SLC1A3: variants seen among roughly 807,000 people sequenced by gnomAD.
SLC1A3 encodes the protein excitatory amino acid transporter 1.
In SLC1A3, 21 loss-of-function variants were observed where a neutral mutation model predicts 48.1. The ratio of observed to expected loss-of-function variants is 0.44; its 90% CI spans 0.31 to 0.63. SLC1A3 has a LOEUF of 0.63. Ranked by LOEUF, SLC1A3 falls within the 20% of genes least tolerant of loss-of-function variation. SLC1A3 has a pLI of 0.08. For missense variants in SLC1A3, 546 were observed against 689.0 expected (o/e 0.79, Z 2.32); for synonymous variants, 239 against 251.4 (o/e 0.95, Z 0.47).
At chr5:36,637,113 T>A (rs1740423729) in intron 3 of SLC1A3, among the ~76,000 whole-genome samples, 1 of 152,182 alleles carries the variant, frequency 6.6e-6, no homozygotes, top group Admixed American at 6.5e-5. Context: ...ACTTCCACCA[T>A]CTTGATTGCC....
intron 9 of SLC1A3, among the ~76,000 whole-genome samples, chr5:36,685,607 C>T (rs551224829): frequency 7.2e-5 from 11 of 152,150 alleles, no homozygotes; most frequent in Non-Finnish European, 1.6e-4. Context: ...AAGAATGGTA[C>T]TATTTTATGT....
chr5:36,602,417 C>T (rs1191314763), upstream of SLC1A3, among the ~76,000 whole-genome samples: 1 of 152,110 alleles, frequency 6.6e-6, no homozygotes, highest in African/African-American at 2.4e-5. Flanking sequence ...AACTATAAAG[C>T]CCTGTAAACA....
chr5:36,626,326 G>C (rs987506861), intron 2 of SLC1A3, among the ~76,000 whole-genome samples: 2 of 152,136 alleles, frequency 1.3e-5, no homozygotes, highest in African/African-American at 4.8e-5. Context: ...TATATCATTA[G>C]CAGAACAGCT....
chr5:36,687,541 C>G lies in SLC1A3; in HGVS notation c.*1272C>G, dbSNP rs986100844. 4 of 152,028 alleles carry G rather than the reference C, an allele frequency of 2.6e-5. No individual in the cohort carries two copies. The highest frequency in any genetic ancestry group is 9.7e-5 in the African/African-American group (4 of 41,362). 9.4% of individuals were successfully genotyped at this position (152,028 alleles called of 1,614,324 possible). On this transcript the variant is annotated 3_prime_UTR_variant, in exon 10 of 10. Transcript: ENST00000265113. ...GAAAGAAGTCAAATGAATGAGCTCT[C>G]TAATAGAAGTCCATGAGTTGAGTGG... is the stretch of plus-strand genomic sequence containing the variant.
intron 3 of SLC1A3, chr5:36,670,094 T>G (rs1021536543): frequency 1.3e-5 from 2 of 152,118 alleles, no homozygotes; most frequent in African/African-American, 2.4e-5. Flanking sequence ...ATATAGATAA[T>G]TTAATCTTTT....
chr5:36,629,565 T>G lies in SLC1A3; in HGVS notation c.297T>G (p.Leu99=), dbSNP rs754571819. ...MRMLQMLVLP[L]IISSLVTGMA... ...TGTTACAGATGCTGGTCTTACCACTTATCATCTCCAGTCTTGTCACAGGTA... is the reference window on the plus strand; with the variant it reads ...TGTTACAGATGCTGGTCTTACCACTGATCATCTCCAGTCTTGTCACAGGTA... The change falls in exon 3 of 10, where the codon CTT becomes CTG. Residue 99 remains leucine, a synonymous_variant. Transcript: ENST00000265113. The G allele has an allele frequency of 1.2e-5, 19 of 1,613,388 alleles. No homozygotes were observed. The highest frequency in any genetic ancestry group is 1.6e-5 in the Non-Finnish European group (19 of 1,179,510).
At position 36,687,617 on chromosome 5, in the gene SLC1A3, G is replaced by A. The variant is rs1331994321; in HGVS notation, c.*1348G>A. 1 of 152,176 alleles carries A rather than the reference G, an allele frequency of 6.6e-6. No individual in the cohort carries two copies. Among genetic ancestry groups the A allele is most frequent in the Non-Finnish European group, 1.5e-5 (1 of 68,018 alleles). The allele number at this position is 152,176 out of a possible 1,614,324, so 9.4% of individuals were successfully genotyped here. On this transcript the variant is annotated 3_prime_UTR_variant, in exon 10 of 10. Transcript: ENST00000265113. The stretch of plus-strand genomic sequence containing the variant: ...CTTTAATCAAAAGTCCTTAGAATGA[G>A]GGAAACAAAATATTTATTTGTTTTG...
At chr5:36,671,511 A>G (rs1326517955) in intron 4 of SLC1A3, among the ~76,000 whole-genome samples, 1 of 152,212 alleles carries the variant, frequency 6.6e-6, no homozygotes, top group Non-Finnish European at 1.5e-5. Flanking sequence ...TCAACTATGC[A>G]GCTCACCTTG....
At chr5:36,602,971 C>T (rs904161599), upstream of SLC1A3, among the ~76,000 whole-genome samples, 1 of 152,236 alleles carries the variant, frequency 6.6e-6, no homozygotes, top group Non-Finnish European at 1.5e-5. Flanking sequence ...CTCAAATGGT[C>T]AGTATTTTTC....
chr5:36,600,295 T>C (rs950955493), intron 1 of SLC1A3, among the ~76,000 whole-genome samples: 5 of 152,148 alleles, frequency 3.3e-5, no homozygotes, highest in East Asian at 1.9e-4. Flanking sequence ...TGAGATTTGA[T>C]TGGAACAAAG....
In SLC1A3 at chr5:36,644,740, A is replaced by G. The variant is rs112036741; in HGVS notation, c.319+15153A>G. Reference sequence around the variant, plus strand: ...GCTTTGAGTTAGATAGCTGCTCCCTATCCTAAATTTTACTTTCTAAGATGA... The same window carrying G: ...GCTTTGAGTTAGATAGCTGCTCCCTGTCCTAAATTTTACTTTCTAAGATGA... On this transcript the variant is annotated intron_variant, in intron 3 of 9. Coordinates refer to ENST00000265113, the MANE Select transcript of SLC1A3 (RefSeq NM_004172.5). Among the ~76,000 whole-genome samples the G allele has an allele frequency of 3.9e-3, 601 of 152,278 alleles. 18 individuals are homozygous for G. The East Asian group carries it at 0.06, about 15-fold the overall frequency.
At chr5:36,653,655 C>G (rs911518888) in intron 3 of SLC1A3, among the ~76,000 whole-genome samples, 4 of 152,184 alleles carry the variant, frequency 2.6e-5, no homozygotes, top group African/African-American at 9.7e-5. Flanking sequence ...ACACACAGAT[C>G]TCTTCTTTCT....
intron 3 of SLC1A3, among the ~76,000 whole-genome samples, chr5:36,651,420 G>T (rs1741066719): frequency 6.6e-6 from 1 of 152,076 alleles, no homozygotes; most frequent in African/African-American, 2.4e-5. Context: ...AAGGTAGCAT[G>T]TTCTTCCTAA....
chr5:36,597,119 G>T (rs961745232), intron 1 of SLC1A3, among the ~76,000 whole-genome samples: 1 of 151,394 alleles, frequency 6.6e-6, no homozygotes, highest in African/African-American at 2.4e-5. Flanking sequence ...TGCTGTGGTT[G>T]GTGTTACTGC....
intron 2 of SLC1A3, among the ~76,000 whole-genome samples, chr5:36,623,420 T>C (rs1359323732): frequency 1.3e-5 from 2 of 152,200 alleles, no homozygotes; most frequent in Admixed American, 6.5e-5. Flanking sequence ...TAATCTATAA[T>C]AAAGGATTCG....
intron 3 of SLC1A3, among the ~76,000 whole-genome samples, chr5:36,663,334 G>A (rs1405171686): frequency 1.3e-5 from 2 of 149,762 alleles, no homozygotes; most frequent in Non-Finnish European, 3.0e-5. Flanking sequence ...TCCTGCCTCA[G>A]CCTCTCGGGT....
intron 3 of SLC1A3, among the ~76,000 whole-genome samples, chr5:36,652,453 G>A (rs1432419967): frequency 1.3e-5 from 2 of 152,130 alleles, no homozygotes; most frequent in Non-Finnish European, 2.9e-5. Context: ...CTTTCAAGGG[G>A]AGAAAGGGCA....
At chr5:36,686,035 G>C (rs777070641) in intron 9 of SLC1A3, 30 bp from the exon 10 acceptor site, 1 of 1,601,936 alleles carries the variant, frequency 6.2e-7, no homozygotes, top group Admixed American at 1.7e-5. Context: ...CGGGAGCCTC[G>C]TTTTTCCCTC....
chr5:36,648,802 T>C (rs904410132), intron 3 of SLC1A3, among the ~76,000 whole-genome samples: 1 of 152,212 alleles, frequency 6.6e-6, no homozygotes, highest in South Asian at 2.1e-4. Context: ...GTGTAAGATT[T>C]TGATCTCTCA....
Sources: gnomAD v4.1 joint callset for allele counts (sites outside exome capture counted in the v4.1 genomes callset) on GRCh38, gnomAD v4.1.1 for gene constraint, MANE v1.5 for transcripts, NCBI Gene and HGNC (gene_info 2026-07-23, HGNC 2026-07-21) for gene names.